The following RBFOX1 variants were observed in gnomAD, a reference collection of about 807,000 sequenced individuals.
RBFOX1 encodes the protein RNA binding fox-1 homolog 1.
In RBFOX1, 8 loss-of-function variants were observed where a neutral mutation model predicts 57.7. That is an observed-to-expected ratio of 0.14 (90% CI 0.08 to 0.25). The LOEUF (loss-of-function observed/expected upper bound fraction) is 0.25. Among genes scored for constraint, RBFOX1 ranks in the 10% least tolerant of loss-of-function variants. The probability of loss-of-function intolerance (pLI) is 1.00; values close to 1 mark genes in which losing one functional copy is unlikely to be tolerated. For synonymous variants in RBFOX1, 326 were observed against 222.4 expected (o/e 1.47, Z -4.15); for missense variants, 611 against 548.5 (o/e 1.11, Z -1.14).
chr16:6,799,744 C>T (rs1252228224), intron 3 of RBFOX1, among the ~76,000 whole-genome samples: 1 of 152,122 alleles, frequency 6.6e-6, no homozygotes, highest in Non-Finnish European at 1.5e-5. Flanking sequence ...TGCCCTTGAC[C>T]ATCAGCCTCC....
intron 1 of RBFOX1, among the ~76,000 whole-genome samples, chr16:5,359,873 G>C (rs928698428): frequency 2.0e-5 from 3 of 152,214 alleles, no homozygotes; most frequent in Admixed American, 2.0e-4. Context: ...ATAAAATGGG[G>C]ATGCTGAAGT....
chr16:6,575,127 A>G (rs2097412140), intron 2 of RBFOX1, among the ~76,000 whole-genome samples: 1 of 152,016 alleles, frequency 6.6e-6, no homozygotes, highest in Admixed American at 6.6e-5. Context: ...CCGCAAGGCG[A>G]CAGGACAGAT....
chr16:7,559,486 TAA>T (rs989133053), intron 5 of RBFOX1, among the ~76,000 whole-genome samples: 5 of 152,194 alleles, frequency 3.3e-5, no homozygotes, highest in African/African-American at 1.2e-4. Context: ...CTTAAAAATA[TAA>T]AAGTCTTTCT....
At chr16:6,770,710 A>C (rs573213772) in intron 3 of RBFOX1, among the ~76,000 whole-genome samples, 3 of 152,232 alleles carry the variant, frequency 2.0e-5, no homozygotes, top group African/African-American at 7.2e-5. Flanking sequence ...GCAGATGCAG[A>C]TGAGAGGAAG....
At chr16:6,980,513 C>G (rs996093763) in intron 3 of RBFOX1, among the ~76,000 whole-genome samples, 1 of 152,094 alleles carries the variant, frequency 6.6e-6, no homozygotes, top group African/African-American at 2.4e-5. Context: ...CACTGGTTAT[C>G]CATGAACAGA....
At chr16:6,780,952 C>T (rs1435120437) in intron 3 of RBFOX1, among the ~76,000 whole-genome samples, 1 of 152,054 alleles carries the variant, frequency 6.6e-6, no homozygotes, top group Non-Finnish European at 1.5e-5. Context: ...GTTGTCTTAT[C>T]ACTTGTTTGT....
At chr16:7,606,498 G>A (rs1300769643) in intron 9 of RBFOX1, among the ~76,000 whole-genome samples, 1 of 152,120 alleles carries the variant, frequency 6.6e-6, no homozygotes, top group Admixed American at 6.6e-5. Flanking sequence ...ATCAGTCTCT[G>A]GAAATTGTTC....
At chr16:6,057,886 G>A (rs548606495) in intron 1 of RBFOX1, among the ~76,000 whole-genome samples, 1 of 139,240 alleles carries the variant, frequency 7.2e-6, no homozygotes, top group African/African-American at 2.8e-5. Context: ...CCAGAAGTAG[G>A]CAACCGCTCA....
intron 2 of RBFOX1, among the ~76,000 whole-genome samples, chr16:6,641,244 A>G (rs2098485102): frequency 6.6e-6 from 1 of 152,204 alleles, no homozygotes; most frequent in Non-Finnish European, 1.5e-5. Flanking sequence ...GGGCTTCCCC[A>G]GCCCTCACAT....
rs571616871 is a variant in RBFOX1, at chr16:7,181,918, G to A, written c.27+129820G>A. Among the ~76,000 whole-genome samples, 16 of 151,952 alleles carry A rather than the reference G, an allele frequency of 1.1e-4. No homozygotes were observed. The East Asian group carries it at 2.9e-3, about 28-fold the overall frequency. On this transcript the variant is annotated intron_variant, in intron 4 of 15. Transcript: ENST00000550418. ...GAAGTGGTTCTTACGTAATTTCTAC[G>A]GAAAAAAAACTCAGCCGTCGAAATA...
Position 5,370,467 on chromosome 16 carries a change from T to TC in RBFOX1, c.220-96749_220-96748insC, listed in dbSNP as rs2065829942. 4.0e-5 allele frequency among the ~76,000 whole-genome samples: 6 copies of TC among 151,436 alleles called. No individual in the cohort carries two copies. In the South Asian group the frequency reaches 1.0e-3, roughly 26 times the overall value. ...CCCCGATCCAGCCTCCTCCTCTTTT[T>TC]TTTTTTTTTGGCTTTTTACAAAATT... On this transcript the variant is annotated intron_variant, in intron 1 of 2. Coordinates refer to the RBFOX1 transcript ENST00000585867.
intron 3 of RBFOX1, among the ~76,000 whole-genome samples, chr16:6,871,194 G>C (rs746447042): frequency 5.3e-5 from 8 of 152,004 alleles, no homozygotes; most frequent in Non-Finnish European, 1.0e-4. Context: ...AATCACCCCT[G>C]CTTTTTTTGG....
chr16:5,613,924 C>CTTT (rs59357758), intron 3 of RBFOX1, among the ~76,000 whole-genome samples: 1 of 143,774 alleles, frequency 7.0e-6, no homozygotes, highest in Non-Finnish European at 1.5e-5. Flanking sequence ...TTTCCTTGGA[C>CTTT]TTTTTTTTTT....
At chr16:7,136,157 C>G (rs1020090655) in intron 4 of RBFOX1, among the ~76,000 whole-genome samples, 2 of 152,142 alleles carry the variant, frequency 1.3e-5, no homozygotes, top group Non-Finnish European at 2.9e-5. Context: ...GGAAAGACCT[C>G]AAGATTCGGG....
At chr16:5,476,520 G>C (rs968922675) in intron 2 of RBFOX1, among the ~76,000 whole-genome samples, 2 of 152,208 alleles carry the variant, frequency 1.3e-5, no homozygotes, top group Non-Finnish European at 2.9e-5. Context: ...GAACTCTGAA[G>C]ACAACTGCCT....
chr16:6,856,184 A>G (rs1217588175), intron 3 of RBFOX1, among the ~76,000 whole-genome samples: 1 of 150,200 alleles, frequency 6.7e-6, no homozygotes. Flanking sequence ...CCTTCTTCAA[A>G]TGTGTATTGA....
chr16:5,330,659 C>T (rs1431139676), intron 1 of RBFOX1, among the ~76,000 whole-genome samples: 1 of 151,384 alleles, frequency 6.6e-6, no homozygotes, highest in East Asian at 1.9e-4. Flanking sequence ...CCTGCATCTG[C>T]CTCCCAAAGT....
At chr16:5,392,907 C>T (rs1341394579) in intron 1 of RBFOX1, among the ~76,000 whole-genome samples, 5 of 152,116 alleles carry the variant, frequency 3.3e-5, no homozygotes, top group Non-Finnish European at 5.9e-5. Flanking sequence ...CTTACCTGCT[C>T]ATTTTGCAAC....
intron 4 of RBFOX1, among the ~76,000 whole-genome samples, chr16:7,334,401 G>C (rs764672187): frequency 9.9e-5 from 15 of 152,134 alleles, no homozygotes; most frequent in Admixed American, 6.6e-4. Flanking sequence ...TGGCAACTTA[G>C]AAAGTTAACA....
Sources: gnomAD v4.1 joint callset for allele counts (sites outside exome capture counted in the v4.1 genomes callset) on GRCh38, gnomAD v4.1.1 for gene constraint, MANE v1.5 for transcripts, NCBI Gene and HGNC (gene_info 2026-07-23, HGNC 2026-07-21) for gene names.